Variants in CCDC122 observed in about 807,000 individuals in gnomAD.
CCDC122 encodes the protein coiled-coil domain containing 122.
A neutral mutation model predicts 37.0 loss-of-function variants in CCDC122; 38 were observed. The ratio of observed to expected loss-of-function variants is 1.03; its 90% confidence interval spans 0.79 to 1.35. The LOEUF (loss-of-function observed/expected upper bound fraction) is 1.35. Ranked by LOEUF, CCDC122 falls within the 40% of genes most tolerant of loss-of-function variation. The pLI is 0.00. For synonymous variants in CCDC122, 83 were observed against 95.6 expected (o/e 0.87, Z 0.77); for missense variants, 305 against 310.0 (o/e 0.98, Z 0.12).
At chr13:43,860,742 CTA>C (rs1282641381) in intron 4 of CCDC122, among the ~76,000 whole-genome samples, 2 of 152,144 alleles carry the variant, frequency 1.3e-5, no homozygotes, top group African/African-American at 2.4e-5. Context: ...TTCTCACTCT[CTA>C]TATATGCTCC....
At chr13:43,855,363 C>CCACACACACA (rs146757703) in intron 6 of CCDC122, 1 of 145,406 alleles carries the variant, frequency 6.9e-6, no homozygotes, top group African/African-American at 2.5e-5. Flanking sequence ...TTCACAGTTG[C>CCACACACACA]CACACACACA....
rs537254735 is a variant in CCDC122, at chr13:43,865,870, C to T, written c.156+2824G>A. Among the ~76,000 whole-genome samples, 7 of 152,280 alleles carry T rather than the reference C, an allele frequency of 4.6e-5. No individual in the cohort carries two copies. In the South Asian group the frequency reaches 1.5e-3, roughly 32 times the overall value. ...TTTTTTCTTTCCTTTAAGTTAAGAA[C>T]TTTCACCTTCTCACTTAAAGTAAGT... On this transcript the variant is annotated intron_variant, in intron 4 of 6. Coordinates refer to ENST00000444614, the MANE Select transcript of CCDC122 (RefSeq NM_144974.5).
intron 6 of CCDC122, among the ~76,000 whole-genome samples, chr13:43,841,406 A>G (rs1953346497): frequency 6.6e-6 from 1 of 152,166 alleles, no homozygotes; most frequent in Admixed American, 6.5e-5. Context: ...ATTTGGTATT[A>G]ATATTCATTG....
intron 4 of CCDC122, among the ~76,000 whole-genome samples, chr13:43,865,771 A>AT (rs1177995060): frequency 6.6e-6 from 1 of 151,906 alleles, no homozygotes; most frequent in African/African-American, 2.4e-5. Flanking sequence ...CCAGGAATTT[A>AT]TTTTTTCTTC....
At chr13:43,824,085 C>G (rs977959867) in intron 3 of CCDC122, 9 of 152,062 alleles carry the variant, frequency 5.9e-5, no homozygotes, top group African/African-American at 1.9e-4. Flanking sequence ...CTTTTTCATG[C>G]CAACGGAATC....
rs753128961 is a variant in CCDC122 at position 43,868,800 on chromosome 13, T to C, written c.50A>G (p.Asn17Ser). 1 of 1,447,438 alleles carries C rather than the reference T, an allele frequency of 6.9e-7. No homozygotes were observed. Among genetic ancestry groups the C allele is most frequent in the Non-Finnish European group, 9.2e-7 (1 of 1,084,472 alleles). 89.7% of individuals were successfully genotyped at this position (1,447,438 alleles called of 1,614,324 possible). A position where few individuals can be genotyped will look rare whatever the true frequency, so the allele number is the denominator to read the frequency against. The change falls in exon 4 of 7, where the codon AAC becomes AGC. Residue 17 changes from asparagine (N) to serine (S), a missense_variant. Asn to Ser is a conservative substitution (Grantham distance 46). Coordinates refer to ENST00000444614, the MANE Select transcript of CCDC122 (RefSeq NM_144974.5). ...ATCAGCTAATGAACTTGTGTCTTGG[T>C]TATCTACAATTAGACAAAAGAATAA... ...RKSQGFPKED[N>S]QDTSSLADAV...
At chr13:43,860,430 TAAG>T (rs1288916151) in intron 4 of CCDC122, among the ~76,000 whole-genome samples, 1 of 152,140 alleles carries the variant, frequency 6.6e-6, no homozygotes, top group Admixed American at 6.6e-5. Flanking sequence ...AGCCCTGAGT[TAAG>T]AATCAAAAGA....
chr13:43,843,434 T>C (rs1953422070), intron 6 of CCDC122, among the ~76,000 whole-genome samples: 1 of 152,042 alleles, frequency 6.6e-6, no homozygotes, highest in African/African-American at 2.4e-5. Flanking sequence ...ATTAGACTTT[T>C]GGTATATTGC....
At chr13:43,851,256 G>T (rs1003654886) in intron 6 of CCDC122, among the ~76,000 whole-genome samples, 3 of 152,064 alleles carry the variant, frequency 2.0e-5, no homozygotes, top group East Asian at 3.8e-4. Context: ...CAGGAAGAAA[G>T]AACATAATAA....
At chr13:43,827,717 G>A (rs1273871086) in intron 3 of CCDC122, among the ~76,000 whole-genome samples, 1 of 152,180 alleles carries the variant, frequency 6.6e-6, no homozygotes, top group Non-Finnish European at 1.5e-5. Context: ...CTGTGGGCTT[G>A]AGCGTGCTCA....
At chr13:43,823,069 C>T (rs1953007213), downstream of CCDC122, among the ~76,000 whole-genome samples, 1 of 152,058 alleles carries the variant, frequency 6.6e-6, no homozygotes. Context: ...CTAAAGCCAA[C>T]ACATCTCAGA....
intron 6 of CCDC122, among the ~76,000 whole-genome samples, chr13:43,841,962 C>T (rs571921824): frequency 6.6e-6 from 1 of 152,324 alleles, no homozygotes; most frequent in Admixed American, 6.5e-5. Flanking sequence ...CTGCCTTGGC[C>T]TCCCAAAGTG....
At chr13:43,840,214 C>T (rs116456865) in intron 6 of CCDC122, among the ~76,000 whole-genome samples, 1,528 of 152,158 alleles carry the variant, frequency 0.01, 27 homozygotes, top group African/African-American at 0.034. Flanking sequence ...ATATTTTGTT[C>T]GCTTTAACAC....
chr13:43,831,279 G>C (rs946427960), intron 3 of CCDC122, among the ~76,000 whole-genome samples: 1 of 152,098 alleles, frequency 6.6e-6, no homozygotes, highest in Non-Finnish European at 1.5e-5. Flanking sequence ...TATGTGTGTA[G>C]GTCATGCACA....
In CCDC122 at chr13:43,837,132, T is replaced by TA. The variant is rs1025833014; in HGVS notation, c.*147dup. On this transcript the variant is annotated 3_prime_UTR_variant, in exon 7 of 7. Coordinates refer to ENST00000444614, the MANE Select transcript of CCDC122 (RefSeq NM_144974.5). ...CATTTTAACAAATCGATGACTGATT[T>TA]AAAAAAAACAACAACCGAAGACATC... 9.4e-5 allele frequency: 68 copies of TA among 725,318 alleles called. No homozygotes were observed. Among genetic ancestry groups the TA allele is most frequent in the Non-Finnish European group, 1.3e-4 (57 of 453,574 alleles). The allele number at this position is 725,318 out of a possible 1,614,324, so 44.9% of individuals were successfully genotyped here.
intron 6 of CCDC122, among the ~76,000 whole-genome samples, chr13:43,843,703 T>C (rs1953429297): frequency 6.6e-6 from 1 of 151,964 alleles, no homozygotes; most frequent in African/African-American, 2.4e-5. Flanking sequence ...GCCTTATATA[T>C]GGGAAGAGTT....
intron 6 of CCDC122, chr13:43,855,363 C>CACACACACACA (rs1566947365): frequency 3.3e-4 from 48 of 145,406 alleles, no homozygotes; most frequent in African/African-American, 1.2e-3. Context: ...TTCACAGTTG[C>CACACACACACA]CACACACACA....
intron 3 of CCDC122, among the ~76,000 whole-genome samples, chr13:43,831,104 T>A (rs973713945): frequency 6.6e-6 from 1 of 152,348 alleles, no homozygotes; most frequent in South Asian, 2.1e-4. Flanking sequence ...AAATTAAAAT[T>A]AAAATACTAT....
At chr13:43,878,137 T>C (rs1954709024) in intron 1 of CCDC122, 1 of 152,162 alleles carries the variant, frequency 6.6e-6, no homozygotes, top group African/African-American at 2.4e-5. Context: ...CATGAAAGAA[T>C]ACGAATCCCA....
Sources: gnomAD v4.1 joint callset for allele counts (sites outside exome capture counted in the v4.1 genomes callset) on GRCh38, gnomAD v4.1.1 for gene constraint, MANE v1.5 for transcripts, NCBI Gene and HGNC (gene_info 2026-07-23, HGNC 2026-07-21) for gene names.